Variants in ZNF99 observed in about 807,000 individuals in gnomAD.
ZNF99 encodes zinc finger protein ENSP00000375192.
ZNF99 carries 8 observed loss-of-function variants against 12.8 expected under a neutral mutation model. The observed-to-expected ratio is 0.62, with a 90% confidence interval of 0.37 to 1.13. The LOEUF is 1.13. Ranked by LOEUF, ZNF99 falls within the 50% of genes most tolerant of loss-of-function variation. ZNF99 has a pLI of 0.02. For synonymous variants in ZNF99, 318 were observed against 319.0 expected (o/e 1.00, Z 0.03); for missense variants, 1,007 against 1,006.2 (o/e 1.00, Z -0.01).
rs775594115 is a variant in ZNF99, at chr19:22,757,358, C to T, written c.2551G>A (p.Ala851Thr). ...ERNPANVKNV[A>T]KLLNISQPLE... ...GGCTGAGAAATGTTTAAAAGCTTTGCCACATTCTTCACATTTGCAGGGTTT... is the reference window on the plus strand; with the variant it reads ...GGCTGAGAAATGTTTAAAAGCTTTGTCACATTCTTCACATTTGCAGGGTTT... Residue 851 changes from alanine to threonine, a missense_variant, in exon 4 of 4, where the codon GCA (alanine) becomes ACA (threonine). Coordinates refer to ENST00000596209, the MANE Select transcript of ZNF99 (RefSeq NM_001080409.3). 45 of 1,610,628 alleles carry T rather than the reference C, an allele frequency of 2.8e-5. No individual in the cohort carries two copies. The highest frequency in any genetic ancestry group is 4.5e-5 in the East Asian group (2 of 44,782).
intron 1 of ZNF99, among the ~76,000 whole-genome samples, chr19:22,776,563 C>T (rs2089239410): frequency 6.6e-6 from 1 of 150,574 alleles, no homozygotes; most frequent in Admixed American, 6.6e-5. Context: ...GCTATTACTA[C>T]AAAGTCAAAA....
chr19:22,782,405 G>A (rs1172655501), intron 1 of ZNF99, among the ~76,000 whole-genome samples: 1 of 151,794 alleles, frequency 6.6e-6, no homozygotes, highest in African/African-American at 2.4e-5. Context: ...GCCCAGAATG[G>A]ACTGCAATGG....
At position 22,782,416 on chromosome 19, in the gene ZNF99, C is replaced by T. The variant is rs1973397630; in HGVS notation, c.3+1598G>A. Among the ~76,000 whole-genome samples the T allele has an allele frequency of 2.0e-5, 3 of 151,478 alleles. No individual in the cohort carries two copies. In the South Asian group the frequency reaches 6.2e-4, roughly 32 times the overall value. On this transcript the variant is annotated intron_variant, in intron 1 of 3. Transcript: ENST00000596209. ...TGTTGCCCAGAATGGACTGCAATGGCGCGATCTCGGCTCACCGCAACCTCT... is the reference window on the plus strand; with the variant it reads ...TGTTGCCCAGAATGGACTGCAATGGTGCGATCTCGGCTCACCGCAACCTCT...
chr19:22,756,033 A>G lies in ZNF99; in HGVS notation c.*1281T>C, dbSNP rs537659667. On this transcript the variant is annotated 3_prime_UTR_variant, in exon 4 of 4. Coordinates refer to ENST00000596209, the MANE Select transcript of ZNF99 (RefSeq NM_001080409.3). ...TTAAAGGCTTTGCCACATTCTTTAC[A>G]TTTGTGGGGTTTCTCTCCAGCATGA... 7.6e-4 allele frequency: 813 copies of G among 1,069,982 alleles called. 1 individual carries two copies. The highest frequency in any genetic ancestry group is 1.4e-3 in the Admixed American group (64 of 46,582). 66.3% of individuals were successfully genotyped at this position (1,069,982 alleles called of 1,614,324 possible). A position where few individuals can be genotyped will look rare whatever the true frequency, so the allele number is the denominator to read the frequency against.
Position 22,754,422 on chromosome 19 carries a change from C to T in ZNF99, c.*2892G>A, listed in dbSNP as rs1404533135. The T allele has an allele frequency of 2.5e-6, 1 of 397,322 alleles. No individual in the cohort carries two copies. Among genetic ancestry groups the T allele is most frequent in the South Asian group, 1.8e-5 (1 of 54,790 alleles). 24.6% of individuals were successfully genotyped at this position (397,322 alleles called of 1,614,324 possible). A position where few individuals can be genotyped will look rare whatever the true frequency, so the allele number is the denominator to read the frequency against. ...TCACATTTGTAGAATTTCTCTACAA[C>T]ATAAATTATCTTATGTGTAATAAGG... On this transcript the variant is annotated 3_prime_UTR_variant, in exon 4 of 4. Coordinates refer to ENST00000596209, the MANE Select transcript of ZNF99 (RefSeq NM_001080409.3).
chr19:22,775,702 T>G (rs1309887435), intron 1 of ZNF99, among the ~76,000 whole-genome samples: 2 of 152,150 alleles, frequency 1.3e-5, no homozygotes, highest in African/African-American at 2.4e-5. Flanking sequence ...AAACTGAAGT[T>G]TACAAGAAAC....
chr19:22,775,250 A>C (rs1306324386), intron 1 of ZNF99, among the ~76,000 whole-genome samples: 1 of 152,206 alleles, frequency 6.6e-6, no homozygotes, highest in Non-Finnish European at 1.5e-5. Context: ...GAGCCCAGAA[A>C]TAATGCCACA....
chr19:22,758,534 T>G lies in ZNF99; in HGVS notation c.1375A>C (p.Ser459Arg), dbSNP rs188302239. Reference sequence around the variant, plus strand: ...GCTGAAAAATTGCTAAAAGCTTTGCTGCATTCTTCACATTTGTAGGGTTGC... The same window carrying G: ...GCTGAAAAATTGCTAAAAGCTTTGCGGCATTCTTCACATTTGTAGGGTTGC... ...GKQPYKCEEC[S>R]KAFSNFSALR... is the part of the protein sequence containing the mutation. Residue 459 changes from serine (S) to arginine (R), a missense_variant, in exon 4 of 4, where the codon AGC becomes CGC. Transcript: ENST00000596209. 4.6e-4 allele frequency: 742 copies of G among 1,610,554 alleles called. 2 individuals carry two copies. Among genetic ancestry groups the G allele is most frequent in the Middle Eastern group, 4.5e-3 (27 of 6,024 alleles).
In ZNF99 at chr19:22,768,397, A is replaced by G; in HGVS notation, c.134T>C (p.Ile45Thr). 6.2e-7 allele frequency: 1 copy of G among 1,607,154 alleles called. No individual in the cohort carries two copies. Among genetic ancestry groups the G allele is most frequent in the Non-Finnish European group, 8.5e-7 (1 of 1,177,852 alleles). Residue 45 changes from isoleucine (I) to threonine (T), a missense_variant, in exon 3 of 4, where the codon ATC becomes ACC. Coordinates refer to ENST00000596209, the MANE Select transcript of ZNF99 (RefSeq NM_001080409.3). Reference protein sequence around the residue: ...ENYRNLVFLGIAVSKLDLITC... With the variant: ...ENYRNLVFLGTAVSKLDLITC... ...TATCAAGTCTAGCTTAGAGACAGCG[A>G]TACCTGTTTTATTAAAAATAAATAA...
chr19:22,761,082 T>C (rs1262138681), intron 3 of ZNF99, among the ~76,000 whole-genome samples: 1 of 151,746 alleles, frequency 6.6e-6, no homozygotes, highest in East Asian at 1.9e-4. Flanking sequence ...TAGGGCAACA[T>C]GGCCCAATCA....
chr19:22,762,746 C>T (rs1273475674), intron 3 of ZNF99, among the ~76,000 whole-genome samples: 1 of 152,148 alleles, frequency 6.6e-6, no homozygotes, highest in Admixed American at 6.6e-5. Flanking sequence ...TAACAAAATA[C>T]TAGCTAACTG....
Position 22,758,209 on chromosome 19 carries a change from C to T in ZNF99, c.1700G>A (p.Cys567Tyr). 1 of 1,613,686 alleles carries T rather than the reference C, an allele frequency of 6.2e-7. No individual in the cohort carries two copies. Among genetic ancestry groups the T allele is most frequent in the Non-Finnish European group, 8.5e-7 (1 of 1,179,812 alleles). ...IIHTGKKPYK[C>Y]EECGKAFKQS... ...CTTAAAAGCTTTGCCACATTCTTCA[C>T]ATTTGTATGGTTTCTTCCCAGTATG... The change falls in exon 4 of 4, where the codon TGT becomes TAT. Residue 567 changes from cysteine (C) to tyrosine (Y), a missense_variant. Physicochemically the swap from Cys to Tyr is radical, Grantham distance 194. Coordinates refer to ENST00000596209, the MANE Select transcript of ZNF99 (RefSeq NM_001080409.3).
At chr19:22,765,618 A>C (rs1322590675) in intron 3 of ZNF99, among the ~76,000 whole-genome samples, 1 of 152,006 alleles carries the variant, frequency 6.6e-6, no homozygotes, top group African/African-American at 2.4e-5. Flanking sequence ...TTACTTTAAA[A>C]AACAATAAAA....
intron 3 of ZNF99, among the ~76,000 whole-genome samples, chr19:22,762,548 T>C (rs1244393157): frequency 6.6e-6 from 1 of 152,154 alleles, no homozygotes; most frequent in African/African-American, 2.4e-5. Flanking sequence ...AGCAGAATTC[T>C]ACCAGACATT....
At chr19:22,773,192 T>C (rs1386504088) in intron 1 of ZNF99, among the ~76,000 whole-genome samples, 1 of 152,262 alleles carries the variant, frequency 6.6e-6, no homozygotes. Context: ...AGTTGAATGA[T>C]AGCCTGAGAG....
At chr19:22,774,818 C>T (rs929774109) in intron 1 of ZNF99, among the ~76,000 whole-genome samples, 10 of 151,904 alleles carry the variant, frequency 6.6e-5, no homozygotes, top group African/African-American at 1.7e-4. Context: ...TGCAGTGAGC[C>T]GAGATTGTGC....
chr19:22,761,318 A>T (rs1024869913), intron 3 of ZNF99, among the ~76,000 whole-genome samples: 4 of 152,164 alleles, frequency 2.6e-5, no homozygotes, highest in African/African-American at 9.7e-5. Context: ...TATCATGCTA[A>T]ACAAGAGGTT....
rs1407757977 is a variant in ZNF99 at position 22,761,218 on chromosome 19, A to G, written c.227-1536T>C. The stretch of plus-strand genomic sequence containing the variant: ...ATAGGAACACAGACCACTATAAAAA[A>G]TTTTAAAAATGAGGATACCTCTTCC... On this transcript the variant is annotated intron_variant, in intron 3 of 3. Transcript: ENST00000596209. Among the ~76,000 whole-genome samples the G allele has an allele frequency of 3.3e-5, 5 of 152,290 alleles. No homozygotes were observed. In the East Asian group the frequency reaches 7.7e-4, roughly 23 times the overall value.
In ZNF99 at chr19:22,756,602, T is replaced by C. The variant is rs768713942; in HGVS notation, c.*712A>G. ...AGGTGTGAGGATTGCTTAAAAGCTT[T>C]GCCACATTCTTCACATTTGTACGGT... On this transcript the variant is annotated 3_prime_UTR_variant, in exon 4 of 4. Coordinates refer to ENST00000596209, the MANE Select transcript of ZNF99 (RefSeq NM_001080409.3). The C allele has an allele frequency of 3.1e-6, 5 of 1,600,222 alleles. 1 individual carries two copies. The South Asian group carries it at 5.5e-5, about 18-fold the overall frequency.
Sources: gnomAD v4.1 joint callset for allele counts (sites outside exome capture counted in the v4.1 genomes callset) on GRCh38, gnomAD v4.1.1 for gene constraint, MANE v1.5 for transcripts, NCBI Gene and HGNC (gene_info 2026-07-23, HGNC 2026-07-21) for gene names.